Variants in CC2D2B observed in about 807,000 individuals in gnomAD.
CC2D2B encodes protein CC2D2B.
In CC2D2B, 128 loss-of-function variants were observed where a neutral mutation model predicts 161.2. That is an observed-to-expected ratio of 0.79 (90% confidence interval 0.69 to 0.92). The LOEUF is 0.92. Ranked by LOEUF, CC2D2B falls within the 40% of genes least tolerant of loss-of-function variation. The pLI, the probability that CC2D2B is intolerant of heterozygous loss-of-function variation, is 0.00. For missense variants in CC2D2B, 1,173 were observed against 1,375.1 expected, an observed-to-expected ratio of 0.85 and a Z score of 2.32; for synonymous variants, 391 against 449.8, an observed-to-expected ratio of 0.87 and a Z score of 1.65.
intron 2 of CC2D2B, among the ~76,000 whole-genome samples, chr10:95,917,106 ATCC>A (rs1462314829): frequency 6.6e-6 from 1 of 152,166 alleles, no homozygotes; most frequent in Non-Finnish European, 1.5e-5. Flanking sequence ...CAATTATGAC[ATCC>A]TCTTGATGAA....
At chr10:95,974,257 A>G (rs2077239795) in intron 17 of CC2D2B, 101 bp downstream of exon 17, 3 of 544,598 alleles carry the variant, frequency 5.5e-6, no homozygotes, top group Non-Finnish European at 8.3e-6. Context: ...CAATAGGAAG[A>G]GTTTAGTCTA....
At chr10:96,031,042 A>G (rs1244933715) in intron 34 of CC2D2B, among the ~76,000 whole-genome samples, 1 of 152,142 alleles carries the variant, frequency 6.6e-6, no homozygotes, top group African/African-American at 2.4e-5. Context: ...GTTAATAATT[A>G]CCATGGCACC....
intron 9 of CC2D2B, among the ~76,000 whole-genome samples, chr10:95,939,264 A>G (rs1200103695): frequency 6.6e-6 from 1 of 152,150 alleles, no homozygotes; most frequent in African/African-American, 2.4e-5. Flanking sequence ...AGTTTTACCT[A>G]TTTTATATAA....
At chr10:95,943,143 G>A (rs1244613847) in intron 9 of CC2D2B, among the ~76,000 whole-genome samples, 2 of 152,020 alleles carry the variant, frequency 1.3e-5, no homozygotes, top group African/African-American at 4.8e-5. Flanking sequence ...CAGCTCCTTC[G>A]GTCCTTAACC....
intron 2 of CC2D2B, among the ~76,000 whole-genome samples, chr10:95,918,678 T>C (rs1228760246): frequency 6.6e-6 from 1 of 152,242 alleles, no homozygotes; most frequent in African/African-American, 2.4e-5. Context: ...AAAGTGTTAT[T>C]ATCTTTTGAA....
intron 9 of CC2D2B, among the ~76,000 whole-genome samples, chr10:95,947,117 T>A (rs28611327): frequency 0.036 from 1,135 of 31,584 alleles, 9 homozygotes; most frequent in Non-Finnish European, 0.041. Flanking sequence ...ATATATATTT[T>A]TTTTTTTTTT....
At chr10:95,933,461 C>T (rs538893064) in intron 6 of CC2D2B, among the ~76,000 whole-genome samples, 3 of 152,130 alleles carry the variant, frequency 2.0e-5, no homozygotes, top group Admixed American at 6.5e-5. Context: ...GGAAAAGAGG[C>T]GTTCTGGTTT....
chr10:95,937,745 CA>C (rs1035233654), intron 6 of CC2D2B, among the ~76,000 whole-genome samples: 5 of 152,252 alleles, frequency 3.3e-5, no homozygotes, highest in Middle Eastern at 3.4e-3. Context: ...AGGGCTATTT[CA>C]GCAGTCTTTC....
chr10:95,927,376 A>T, intron 6 of CC2D2B, 44 bp downstream of exon 6: 1 of 1,040,416 alleles, frequency 9.6e-7, no homozygotes, highest in Non-Finnish European at 1.4e-6. Flanking sequence ...CTCTCAGGAA[A>T]AAATGATTCT....
chr10:95,918,635 G>A (rs1020897694), intron 2 of CC2D2B, among the ~76,000 whole-genome samples: 2 of 152,080 alleles, frequency 1.3e-5, no homozygotes, highest in African/African-American at 4.8e-5. Flanking sequence ...AAGCCTTCTT[G>A]TATTTTAATG....
chr10:96,013,831 A>G lies in CC2D2B; in HGVS notation c.3470A>G (p.Asn1157Ser). 6.2e-7 allele frequency: 1 copy of G among 1,601,988 alleles called. No homozygotes were observed. The highest frequency in any genetic ancestry group is 8.5e-7 in the Non-Finnish European group (1 of 1,173,306). The change falls in exon 29 of 35, where the codon AAT (asparagine) becomes AGT (serine). Residue 1157 changes from asparagine (N) to serine (S), a missense_variant. Around this residue, in one of 3 missense-constraint regions of CC2D2B, gnomAD observed 598 missense variants for 693.2 expected, o/e 0.86. Coordinates refer to ENST00000646931, the MANE Select transcript of CC2D2B (RefSeq NM_001349008.3). The stretch of plus-strand genomic sequence containing the variant: ...GTATCTTTGATTCCTTTTGTGCCTA[A>G]TACACCAGATGAAAATGATGGCTCT... Reference protein sequence around the residue: ...RFVSLIPFVPNTPDENDGSDI... With the variant: ...RFVSLIPFVPSTPDENDGSDI...
intron 34 of CC2D2B, among the ~76,000 whole-genome samples, chr10:96,029,154 T>C (rs1333933424): frequency 6.7e-6 from 1 of 149,632 alleles, no homozygotes; most frequent in African/African-American, 2.4e-5. Context: ...GGATAAATGC[T>C]TGGGGGGATG....
chr10:96,005,928 A>C (rs1039647644), intron 25 of CC2D2B, among the ~76,000 whole-genome samples: 2 of 152,116 alleles, frequency 1.3e-5, no homozygotes, highest in Admixed American at 1.3e-4. Context: ...TTAGCATATA[A>C]ATTTTCAGCA....
intron 10 of CC2D2B, 108 bp from the exon 11 acceptor site, chr10:95,955,286 A>C (rs898611740): frequency 2.5e-6 from 1 of 394,438 alleles, no homozygotes; most frequent in African/African-American, 2.1e-5. Context: ...ATACACACAA[A>C]GTTATACATT....
intron 9 of CC2D2B, among the ~76,000 whole-genome samples, chr10:95,947,093 ATATATATATATATATATATAT>A (rs1277906571): frequency 3.2e-5 from 1 of 30,918 alleles, no homozygotes; most frequent in African/African-American, 2.1e-4. Context: ...ATATATATAT[ATATATATATATATATATATAT>A]TTTTTTTTTT....
At chr10:95,979,729 C>G (rs2077443260) in intron 17 of CC2D2B, among the ~76,000 whole-genome samples, 1 of 152,178 alleles carries the variant, frequency 6.6e-6, no homozygotes, top group Non-Finnish European at 1.5e-5. Context: ...TGAGATACAA[C>G]TCACAAACCA....
chr10:95,941,293 C>T (rs1183197541), intron 9 of CC2D2B, among the ~76,000 whole-genome samples: 1 of 152,078 alleles, frequency 6.6e-6, no homozygotes, highest in African/African-American at 2.4e-5. Context: ...CAGTGGTTTC[C>T]TGGATATGAC....
chr10:95,920,168 G>A (rs1212520860), intron 2 of CC2D2B: 1 of 152,108 alleles, frequency 6.6e-6, no homozygotes, highest in Admixed American at 6.6e-5. Context: ...GACTGTGGCT[G>A]AGCTGGATAC....
At position 95,939,834 on chromosome 10, in the gene CC2D2B, G is replaced by A. The variant is rs561168469; in HGVS notation, c.801+909G>A. Among the ~76,000 whole-genome samples the A allele has an allele frequency of 2.0e-5, 3 of 152,162 alleles. No homozygotes were observed. The East Asian group carries it at 5.8e-4, about 29-fold the overall frequency. On this transcript the variant is annotated intron_variant, in intron 9 of 34. Coordinates refer to ENST00000646931, the MANE Select transcript of CC2D2B (RefSeq NM_001349008.3). ...TTACCCATTTTTTTCTTATTGGATT[G>A]TCTGCTTTTTCTTATTGATGTGTTG...
Sources: allele counts gnomAD v4.1 joint callset (sites outside exome capture counted in the v4.1 genomes callset), GRCh38; gene constraint gnomAD v4.1.1; regional missense constraint gnomAD v4.1.1; transcripts MANE v1.5; gene names NCBI Gene and HGNC (gene_info 2026-07-23, HGNC 2026-07-21).